SCGN: variants seen among roughly 807,000 people sequenced by gnomAD.
SCGN encodes the protein secretagogin.
SCGN carries 30 observed loss-of-function variants against 39.7 expected under a neutral mutation model. The ratio of observed to expected loss-of-function variants is 0.76; its 90% CI spans 0.57 to 1.03. The LOEUF (loss-of-function observed/expected upper bound fraction) is 1.03, where lower values mean the gene tolerates loss of function less well. SCGN is among the 50% of genes least tolerant of loss of function. The pLI is 0.00. For missense variants in SCGN, 353 were observed against 349.4 expected, an observed-to-expected ratio of 1.01 and a Z score of -0.08; for synonymous variants, 106 against 114.1, an observed-to-expected ratio of 0.93 and a Z score of 0.45.
intron 8 of SCGN, 82 bp from the exon 9 acceptor site, chr6:25,689,391 A>G: frequency 7.3e-7 from 1 of 1,373,742 alleles, no homozygotes; most frequent in Admixed American, 1.8e-5. Context: ...CAAAGTTTAC[A>G]AAATTTGCCC....
intron 7 of SCGN, among the ~76,000 whole-genome samples, chr6:25,688,126 G>A (rs972823605): frequency 6.6e-6 from 1 of 152,062 alleles, no homozygotes; most frequent in Non-Finnish European, 1.5e-5. Context: ...ATACATTTAT[G>A]CTGTGTTTTA....
chr6:25,699,701 C>A (rs879916136), intron 10 of SCGN, among the ~76,000 whole-genome samples: 3 of 151,802 alleles, frequency 2.0e-5, no homozygotes, highest in Non-Finnish European at 2.9e-5. Context: ...AAAGTCAGTG[C>A]CCACCCATGT....
rs1760258350 is a variant in SCGN, at chr6:25,658,002, CCTTTTTTTTTTTTTTTTTTTTTTTTT to C, written c.154-3549_154-3524del. ...GGTGTGTGTTCATTTAGAAAGGTAT[CCTTTTTTTTTTTTTTTTTTTTTTTTT>C]TTTTTTTTTTTTTTTTTTTTTTTTT... On this transcript the variant is annotated intron_variant, in intron 2 of 10. Transcript: ENST00000377961. 8.0e-3 allele frequency among the ~76,000 whole-genome samples: 380 copies of C among 47,668 alleles called. 61 individuals are homozygous for C. Among genetic ancestry groups the C allele is most frequent in the African/African-American group, 0.018 (239 of 13,250 alleles). 31.3% of individuals were successfully genotyped at this position (47,668 alleles called of 152,430 possible). A position where few individuals can be genotyped will look rare whatever the true frequency, so the allele number is the denominator to read the frequency against.
chr6:25,685,673 C>A (rs1012699042), intron 7 of SCGN, among the ~76,000 whole-genome samples: 24 of 149,300 alleles, frequency 1.6e-4, no homozygotes, highest in Admixed American at 1.5e-3. Flanking sequence ...TATAATTATA[C>A]AGAAAAGAGG....
intron 9 of SCGN, 80 bp from the exon 10 acceptor site, chr6:25,690,976 C>A: frequency 2.9e-6 from 3 of 1,050,616 alleles, no homozygotes; most frequent in Non-Finnish European, 4.4e-6. Flanking sequence ...AATACTGATA[C>A]GGTTTATTTA....
chr6:25,699,450 TGTG>T (rs559024557), intron 10 of SCGN, among the ~76,000 whole-genome samples: 5 of 150,652 alleles, frequency 3.3e-5, no homozygotes, highest in Non-Finnish European at 7.4e-5. Context: ...ATTAGCCGGG[TGTG>T]GTGGTGGGCA....
intron 10 of SCGN, 152 bp from the exon 11 acceptor site, chr6:25,701,055 G>T: frequency 5.7e-6 from 4 of 701,290 alleles, no homozygotes; most frequent in Non-Finnish European, 6.3e-6. Flanking sequence ...GGCAGCATTT[G>T]GTGGGATGAG....
At position 25,701,433 on chromosome 6, in the gene SCGN, C is replaced by T; in HGVS notation, c.*98C>T. 6.8e-7 allele frequency: 1 copy of T among 1,468,198 alleles called. No homozygotes were observed. Among genetic ancestry groups the T allele is most frequent in the Non-Finnish European group, 9.2e-7 (1 of 1,081,580 alleles). 90.9% of individuals were successfully genotyped at this position (1,468,198 alleles called of 1,614,324 possible). A position where few individuals can be genotyped will look rare whatever the true frequency, so the allele number is the denominator to read the frequency against. ...ATGTTGGGAACACAGTGGGCAAACT[C>T]ACAAATGGTGTGCTATTCTTGGGCA... is the stretch of plus-strand genomic sequence containing the variant. On this transcript the variant is annotated 3_prime_UTR_variant, in exon 11 of 11. Transcript: ENST00000377961.
intron 10 of SCGN, among the ~76,000 whole-genome samples, chr6:25,699,373 C>A (rs1366458000): frequency 6.6e-6 from 1 of 151,608 alleles, no homozygotes; most frequent in African/African-American, 2.4e-5. Context: ...TGTGTCATCT[C>A]AGGTCAGGAG....
chr6:25,701,315 G>C lies in SCGN; in HGVS notation c.811G>C (p.Gly271Arg), dbSNP rs1759909646. Residue 271 changes from glycine (G) to arginine (R), a missense_variant, in exon 11 of 11, where the codon GGG becomes CGG. Transcript: ENST00000377961. ...IQKSELALCL[G>R]LKINP is the part of the protein sequence containing the mutation. ...GAAGTCTGAGCTGGCTTTGTGTCTTGGGCTGAAAATCAACCCATAATCCCA... is the reference window on the plus strand; with the variant it reads ...GAAGTCTGAGCTGGCTTTGTGTCTTCGGCTGAAAATCAACCCATAATCCCA... 1 of 1,612,422 alleles carries C rather than the reference G, an allele frequency of 6.2e-7. No homozygotes were observed. Among genetic ancestry groups the C allele is most frequent in the East Asian group, 2.2e-5 (1 of 44,702 alleles).
At chr6:25,669,724 T>A (rs1174143317) in intron 5 of SCGN, among the ~76,000 whole-genome samples, 157 bp downstream of exon 5, 1 of 152,150 alleles carries the variant, frequency 6.6e-6, no homozygotes, top group Non-Finnish European at 1.5e-5. Flanking sequence ...TTTTCATTTT[T>A]AAAAGGTTTA....
intron 10 of SCGN, among the ~76,000 whole-genome samples, chr6:25,700,914 A>G (rs183508371): frequency 2.1e-4 from 32 of 152,322 alleles, no homozygotes; most frequent in African/African-American, 7.7e-4. Context: ...TTTGCGGCAA[A>G]GTATCTTTAC....
At chr6:25,680,862 A>G (rs1386457933) in intron 6 of SCGN, among the ~76,000 whole-genome samples, 1 of 152,232 alleles carries the variant, frequency 6.6e-6, no homozygotes, top group Non-Finnish European at 1.5e-5. Flanking sequence ...TTCATTTGAA[A>G]TATTAAAAAT....
At chr6:25,669,790 A>C (rs961323971) in intron 5 of SCGN, among the ~76,000 whole-genome samples, 4 of 152,180 alleles carry the variant, frequency 2.6e-5, no homozygotes, top group African/African-American at 9.7e-5. Context: ...AGCATTTATG[A>C]TAACTTTTTC....
intron 10 of SCGN, among the ~76,000 whole-genome samples, chr6:25,700,205 C>T (rs1203085501): frequency 7.2e-6 from 1 of 138,746 alleles, no homozygotes; most frequent in Admixed American, 7.9e-5. Context: ...AGATCACTGC[C>T]ACTGCACTCC....
intron 6 of SCGN, among the ~76,000 whole-genome samples, chr6:25,673,264 TC>T (rs1452414048): frequency 1.3e-5 from 2 of 152,102 alleles, no homozygotes; most frequent in African/African-American, 4.8e-5. Context: ...GACCTAATCT[TC>T]CCCAAGCAGA....
chr6:25,677,367 A>G (rs1364384891), intron 6 of SCGN, among the ~76,000 whole-genome samples: 1 of 152,118 alleles, frequency 6.6e-6, no homozygotes, highest in Non-Finnish European at 1.5e-5. Context: ...TACCACCTTA[A>G]TAATTGTTTG....
chr6:25,665,847 A>C (rs1036948348), intron 4 of SCGN, among the ~76,000 whole-genome samples: 4 of 152,144 alleles, frequency 2.6e-5, no homozygotes, highest in Admixed American at 6.5e-5. Flanking sequence ...TTTTTTTTTA[A>C]GCAAAATGGC....
chr6:25,657,933 C>T (rs1427208558), intron 2 of SCGN, among the ~76,000 whole-genome samples: 1 of 138,674 alleles, frequency 7.2e-6, no homozygotes, highest in Non-Finnish European at 1.5e-5. Flanking sequence ...TCACTTGATG[C>T]TTTGGTTCCA....
Sources: allele counts gnomAD v4.1 joint callset (sites outside exome capture counted in the v4.1 genomes callset), GRCh38; gene constraint gnomAD v4.1.1; transcripts MANE v1.5; gene names NCBI Gene and HGNC (gene_info 2026-07-23, HGNC 2026-07-21).